ASS1: variants seen among roughly 807,000 people sequenced by gnomAD.
The protein encoded by ASS1 is argininosuccinate synthase 1, also known as argininosuccinate synthase.
Under a neutral mutation model 60.5 loss-of-function variants are expected in ASS1, and 58 were observed. That is an observed-to-expected ratio of 0.96 (90% CI 0.78 to 1.19). The LOEUF (loss-of-function observed/expected upper bound fraction) is 1.19, where lower values mean the gene tolerates loss of function less well. Among genes scored for constraint, ASS1 ranks in the 50% most tolerant of loss-of-function variants. The pLI, the probability that ASS1 is intolerant of heterozygous loss-of-function variation, is 0.00. For synonymous variants in ASS1, 200 were observed against 206.9 expected (o/e 0.97, Z 0.29); for missense variants, 454 against 547.3 (o/e 0.83, Z 1.70).
At chr9:130,467,568 T>G (rs1002678771) in intron 6 of ASS1, among the ~76,000 whole-genome samples, 2 of 152,138 alleles carry the variant, frequency 1.3e-5, no homozygotes, top group Non-Finnish European at 2.9e-5. Flanking sequence ...GACGCAGCCC[T>G]GCCCCCGCCG....
chr9:130,444,720 T>G (rs1395847086), upstream of ASS1, among the ~76,000 whole-genome samples: 1 of 150,772 alleles, frequency 6.6e-6, no homozygotes, highest in Non-Finnish European at 1.5e-5. This position sits in a 1 kb window ranked among gnomAD's most constrained non-coding sequence, Gnocchi z 4.7. Flanking sequence ...GGCGCGCCCC[T>G]GGGAGGGTGA....
Position 130,477,982 on chromosome 9 carries a change from C to A in ASS1, c.688+1021C>A, listed in dbSNP as rs1256259630. Among the ~76,000 whole-genome samples the A allele has an allele frequency of 6.6e-6, 1 of 152,192 alleles. No homozygotes were observed. Among genetic ancestry groups the A allele is most frequent in the Non-Finnish European group, 1.5e-5 (1 of 68,032 alleles). On this transcript the variant is annotated intron_variant, in intron 9 of 14. Transcript: ENST00000352480. This position sits in a 1 kb window ranked among gnomAD's most constrained non-coding sequence, Gnocchi z 4.2. The stretch of plus-strand genomic sequence containing the variant: ...GCAGAGCTGCAGATCCCCCTCTCCC[C>A]CTTGCTGGTGTGACCTTGACAGCCA...
chr9:130,472,783 G>A (rs1182118321), intron 8 of ASS1, among the ~76,000 whole-genome samples: 1 of 152,212 alleles, frequency 6.6e-6, no homozygotes, highest in Non-Finnish European at 1.5e-5. Flanking sequence ...AGGGAGGCAG[G>A]GAGGCCGAGC....
At chr9:130,500,883 C>T in intron 14 of ASS1, 93 bp from the exon 15 acceptor site, 3 of 1,401,814 alleles carry the variant, frequency 2.1e-6, no homozygotes, top group Non-Finnish European at 3.0e-6. Context: ...AAACAGCTGC[C>T]CCAGCCACCC....
chr9:130,454,387 G>A lies in ASS1; in HGVS notation c.174+14G>A, dbSNP rs1554982247. The A allele has an allele frequency of 3.1e-6, 5 of 1,612,948 alleles. No homozygotes were observed. The Middle Eastern group carries it at 5.0e-4, about 160-fold the overall frequency. On this transcript the variant is annotated intron_variant, in intron 3 of 14. Transcript: ENST00000352480. The stretch of plus-strand genomic sequence containing the variant: ...GGGGCCAAAAAGGTACCAGGCGGGA[G>A]GCAGGGATTTGGGCTGGGAGTGGGG...
chr9:130,486,068 C>A (rs891240783), intron 11 of ASS1, among the ~76,000 whole-genome samples: 6 of 152,090 alleles, frequency 3.9e-5, no homozygotes, highest in Non-Finnish European at 5.9e-5. Flanking sequence ...CTCACTGCAG[C>A]CTCAACCTCC....
At chr9:130,500,914 G>T in intron 14 of ASS1, 62 bp from the exon 15 acceptor site, 1 of 1,564,386 alleles carries the variant, frequency 6.4e-7, no homozygotes, top group South Asian at 1.1e-5. Context: ...TGAATTAATT[G>T]AACCCAGTGT....
chr9:130,479,118 T>G (rs1469446736), intron 9 of ASS1, among the ~76,000 whole-genome samples: 3 of 124,938 alleles, frequency 2.4e-5, no homozygotes, highest in Admixed American at 7.4e-5. Flanking sequence ...ACCCAACCCC[T>G]TCCCTCCTGC....
intron 11 of ASS1, among the ~76,000 whole-genome samples, chr9:130,487,330 C>T (rs546627901): frequency 2.6e-4 from 39 of 151,362 alleles, no homozygotes; most frequent in Middle Eastern, 3.5e-3. Context: ...GGTTAGTGCA[C>T]GAGGGCTCAG....
chr9:130,452,334 G>T lies in ASS1; in HGVS notation c.105+1G>T. The T allele has an allele frequency of 6.2e-7, 1 of 1,612,980 alleles. No homozygotes were observed. The highest frequency in any genetic ancestry group is 8.5e-7 in the Non-Finnish European group (1 of 1,178,958). Reference sequence around the variant, plus strand: ...AGGCTATGACGTCATTGCCTATCTGGTGAGGGAGCGACCTGGGTGTCTGTC... The same window carrying T: ...AGGCTATGACGTCATTGCCTATCTGTTGAGGGAGCGACCTGGGTGTCTGTC... On this transcript the variant is annotated splice_donor_variant, in intron 2 of 14. Transcript: ENST00000352480. LOFTEE classifies it high-confidence loss of function.
chr9:130,454,981 G>A (rs55971657), intron 3 of ASS1, among the ~76,000 whole-genome samples: 93,704 of 144,198 alleles, frequency 0.65, 29,709 homozygotes, highest in Admixed American at 0.72. Flanking sequence ...TCCATCCTCC[G>A]TCCATTCATC....
At chr9:130,461,277 CG>C (rs1488745401) in intron 4 of ASS1, among the ~76,000 whole-genome samples, 5 of 152,138 alleles carry the variant, frequency 3.3e-5, no homozygotes, top group Admixed American at 6.5e-5. Flanking sequence ...ACCCCCACCC[CG>C]GACCAGCCCA....
intron 4 of ASS1, among the ~76,000 whole-genome samples, chr9:130,463,489 C>T (rs1048360309): frequency 3.3e-5 from 5 of 152,320 alleles, no homozygotes; most frequent in African/African-American, 7.2e-5. Context: ...GCTTGGGTCC[C>T]GGGCCTGCCC....
intron 13 of ASS1, 74 bp downstream of exon 13, chr9:130,495,097 C>A: frequency 6.6e-7 from 1 of 1,521,394 alleles, no homozygotes; most frequent in Non-Finnish European, 8.9e-7. Flanking sequence ...CTCAAGACAT[C>A]TGTGCCTGAG....
At chr9:130,471,907 T>TGGGGGGG (rs1845876169) in intron 8 of ASS1, among the ~76,000 whole-genome samples, 1 of 151,518 alleles carries the variant, frequency 6.6e-6, no homozygotes, top group African/African-American at 2.4e-5. Flanking sequence ...TTGTGGGGGG[T>TGGGGGGG]GGGGGGAGGC....
At chr9:130,465,883 G>A (rs1358280553) in intron 5 of ASS1, among the ~76,000 whole-genome samples, 3 of 152,238 alleles carry the variant, frequency 2.0e-5, no homozygotes, top group Non-Finnish European at 4.4e-5. Flanking sequence ...GGTTCCCACA[G>A]CAGCTTGTGG....
At position 130,458,389 on chromosome 9, in the gene ASS1, C is replaced by T. The variant is rs377385898; in HGVS notation, c.175-12C>T. ...TTGCCTACTTCTTCCTTCTGGGCTC[C>T]TCTTCCCGTAGGTGTTCATTGAGGA... On this transcript the variant is annotated splice_polypyrimidine_tract_variant and intron_variant, in intron 3 of 14. Transcript: ENST00000352480. 5.0e-6 allele frequency: 8 copies of T among 1,611,894 alleles called. No individual in the cohort carries two copies. In the African/African-American group the frequency reaches 6.7e-5, roughly 13 times the overall value.
At chr9:130,458,907 T>A (rs1183028881) in intron 4 of ASS1, among the ~76,000 whole-genome samples, 1 of 151,962 alleles carries the variant, frequency 6.6e-6, no homozygotes, top group African/African-American at 2.4e-5. Flanking sequence ...ACTGCGTGAG[T>A]CCCCCAGGGG....
In ASS1 at chr9:130,477,134, C is replaced by T. The variant is rs968399437; in HGVS notation, c.688+173C>T. Among the ~76,000 whole-genome samples the T allele has an allele frequency of 4.6e-5, 7 of 152,154 alleles. No individual in the cohort carries two copies. Among genetic ancestry groups the T allele is most frequent in the Admixed American group, 1.3e-4 (2 of 15,280 alleles). ...CAGCCCACCTCCCTGGACAGTACAA[C>T]CCATGGACCATGGATGCCTCTAGGC... On this transcript the variant is annotated intron_variant, in intron 9 of 14. Coordinates refer to ENST00000352480, the MANE Select transcript of ASS1 (RefSeq NM_054012.4). This position sits in a 1 kb window ranked among gnomAD's most constrained non-coding sequence, Gnocchi z 4.2.
Sources: allele counts gnomAD v4.1 joint callset (sites outside exome capture counted in the v4.1 genomes callset), GRCh38; gene constraint gnomAD v4.1.1; non-coding constraint Gnocchi (gnomAD v3.1); transcripts MANE v1.5; gene names NCBI Gene and HGNC (gene_info 2026-07-23, HGNC 2026-07-21).